WWC2: variants seen among roughly 807,000 people sequenced by gnomAD.
The protein encoded by WWC2 is protein WWC2.
Under a neutral mutation model 138.5 loss-of-function variants are expected in WWC2, and 101 were observed. That is an observed-to-expected ratio of 0.73 (90% confidence interval 0.62 to 0.86). WWC2 has a LOEUF of 0.86. Ranked by LOEUF, WWC2 falls within the 40% of genes least tolerant of loss-of-function variation. The pLI is 0.00. For synonymous variants in WWC2, 558 were observed against 538.4 expected (o/e 1.04, Z -0.50); for missense variants, 1,420 against 1,419.4 (o/e 1.00, Z -0.01).
At chr4:183,125,113 C>T (rs934520450) in intron 1 of WWC2, among the ~76,000 whole-genome samples, 2 of 152,122 alleles carry the variant, frequency 1.3e-5, no homozygotes, top group Admixed American at 1.3e-4. Context: ...ACAGGCTTTC[C>T]TTCAGGGCTT....
chr4:183,312,528 A>G (rs1405549783), intron 22 of WWC2, 60 bp downstream of exon 22: 2 of 1,604,162 alleles, frequency 1.2e-6, no homozygotes, highest in African/African-American at 2.7e-5. Context: ...ATTGTGTAGG[A>G]ATTCACCTCA....
At chr4:183,217,343 T>C (rs1735787375) in intron 4 of WWC2, among the ~76,000 whole-genome samples, 1 of 152,150 alleles carries the variant, frequency 6.6e-6, no homozygotes, top group Non-Finnish European at 1.5e-5. Context: ...GACAGTTACA[T>C]GTGTATATAC....
At chr4:183,164,830 C>T (rs976282120) in intron 1 of WWC2, among the ~76,000 whole-genome samples, 1 of 152,050 alleles carries the variant, frequency 6.6e-6, no homozygotes, top group Admixed American at 6.6e-5. Context: ...ATGTGGCAGC[C>T]TCCAGTTAAG....
intron 2 of WWC2, among the ~76,000 whole-genome samples, chr4:183,194,928 C>T (rs1160720989): frequency 6.6e-6 from 1 of 152,178 alleles, no homozygotes; most frequent in Non-Finnish European, 1.5e-5. Context: ...TTTATATGAT[C>T]AGAAGAAATG....
rs184927702 is a variant in WWC2, at chr4:183,306,319, A to G, written c.3385-6022A>G. On this transcript the variant is annotated intron_variant, in intron 21 of 22. Coordinates refer to ENST00000403733, the MANE Select transcript of WWC2 (RefSeq NM_024949.6). ...CTGTAAACATCAGTGGTCTGAATAT[A>G]CCAATTAAAAAACAGTTTGTCAGAG... Among the ~76,000 whole-genome samples, 23 of 152,348 alleles carry G rather than the reference A, an allele frequency of 1.5e-4. No homozygotes were observed. The East Asian group carries it at 4.4e-3, about 29-fold the overall frequency.
At chr4:183,106,235 C>G (rs1743352726) in intron 1 of WWC2, among the ~76,000 whole-genome samples, 1 of 152,126 alleles carries the variant, frequency 6.6e-6, no homozygotes, top group Non-Finnish European at 1.5e-5. Context: ...CTGCCCATCT[C>G]AGCCTCCCAA....
chr4:183,303,060 C>CAAAAA (rs35439586), intron 21 of WWC2, among the ~76,000 whole-genome samples: 11 of 82,560 alleles, frequency 1.3e-4, no homozygotes, highest in African/African-American at 4.8e-4. Flanking sequence ...GACTCCATCT[C>CAAAAA]AAAAAAAAAA....
intron 21 of WWC2, among the ~76,000 whole-genome samples, chr4:183,292,700 A>G (rs1319455563): frequency 6.6e-6 from 1 of 152,208 alleles, no homozygotes; most frequent in African/African-American, 2.4e-5. Flanking sequence ...CACTTTCAAA[A>G]AAGAAATTAC....
chr4:183,137,751 G>A (rs911626397), intron 1 of WWC2, among the ~76,000 whole-genome samples: 3 of 152,036 alleles, frequency 2.0e-5, no homozygotes, highest in South Asian at 2.1e-4. Context: ...TGCCTGCCTC[G>A]GCCTCCCAAA....
intron 4 of WWC2, among the ~76,000 whole-genome samples, chr4:183,224,550 G>GT (rs151261713): frequency 6.6e-6 from 1 of 151,694 alleles, no homozygotes; most frequent in Non-Finnish European, 1.5e-5. Flanking sequence ...TTTTTGTTTA[G>GT]TTTTGTTTTT....
At chr4:183,171,366 AATTTG>A (rs1001806971) in intron 1 of WWC2, among the ~76,000 whole-genome samples, 29 of 152,328 alleles carry the variant, frequency 1.9e-4, no homozygotes, top group African/African-American at 7.0e-4. Context: ...TATGTTTTAA[AATTTG>A]ATTTAAGATT....
intron 1 of WWC2, among the ~76,000 whole-genome samples, chr4:183,192,444 G>C (rs1185115759): frequency 6.6e-6 from 1 of 152,192 alleles, no homozygotes; most frequent in Non-Finnish European, 1.5e-5. Context: ...TCTCCAGAAG[G>C]AGAGATTTCG....
At chr4:183,195,600 C>A (rs1393657651) in intron 2 of WWC2, among the ~76,000 whole-genome samples, 1 of 152,190 alleles carries the variant, frequency 6.6e-6, no homozygotes, top group Non-Finnish European at 1.5e-5. Flanking sequence ...ATAAATGATT[C>A]TTTTGTCTTA....
Position 183,289,673 on chromosome 4 carries a change from C to A in WWC2, c.3384+38C>A, listed in dbSNP as rs749002973. 2.5e-6 allele frequency: 4 copies of A among 1,595,398 alleles called. No homozygotes were observed. The South Asian group carries it at 4.5e-5, about 18-fold the overall frequency. ...GGGTCTGTCATCTCGGAGGGGCTTA[C>A]ATCTTTTTTTAAAGCGTGCCATGTA... On this transcript the variant is annotated intron_variant, in intron 21 of 22. Transcript: ENST00000403733.
chr4:183,198,404 C>T (rs1298757747), intron 2 of WWC2, among the ~76,000 whole-genome samples: 1 of 151,900 alleles, frequency 6.6e-6, no homozygotes, highest in Admixed American at 6.6e-5. Flanking sequence ...TTTTTGTTTT[C>T]ATTTTTTGGG....
chr4:183,104,307 G>A (rs1743284593), intron 1 of WWC2, among the ~76,000 whole-genome samples: 1 of 152,172 alleles, frequency 6.6e-6, no homozygotes, highest in Non-Finnish European at 1.5e-5. Context: ...TTTAGTTAAT[G>A]AAGACAGTTT....
rs987599317 is a variant in WWC2, at chr4:183,285,827, CTTGT to C, written c.3049-136_3049-133del. 4.8e-5 allele frequency: 33 copies of C among 691,910 alleles called. No homozygotes were observed. The African/African-American group carries it at 5.6e-4, about 12-fold the overall frequency. 42.9% of individuals were successfully genotyped at this position (691,910 alleles called of 1,614,324 possible). On this transcript the variant is annotated intron_variant, in intron 19 of 22. Transcript: ENST00000403733. The stretch of plus-strand genomic sequence containing the variant: ...ATTTAACAAAATAGAACAGGAAAAA[CTTGT>C]TTGAGGGGATTTTCTTAAAGAAATA...
chr4:183,155,317 G>T (rs1733775218), intron 1 of WWC2, among the ~76,000 whole-genome samples: 2 of 152,052 alleles, frequency 1.3e-5, no homozygotes, highest in South Asian at 4.2e-4. Context: ...GGTCAGCGGA[G>T]ACATAGTGGC....
intron 14 of WWC2, among the ~76,000 whole-genome samples, chr4:183,267,240 TC>T (rs1416312187): frequency 6.6e-6 from 1 of 152,010 alleles, no homozygotes; most frequent in African/African-American, 2.4e-5. Context: ...TTAGAGAACT[TC>T]CTGAATCAAA....
Sources: allele counts gnomAD v4.1 joint callset (sites outside exome capture counted in the v4.1 genomes callset), GRCh38; gene constraint gnomAD v4.1.1; transcripts MANE v1.5; gene names NCBI Gene and HGNC (gene_info 2026-07-23, HGNC 2026-07-21).